Variants in PTPRZ1 observed in about 807,000 individuals in gnomAD.
PTPRZ1 encodes receptor-type tyrosine-protein phosphatase zeta.
PTPRZ1 carries 82 observed loss-of-function variants against 214.1 expected under a neutral mutation model. The observed-to-expected ratio is 0.38, with a 90% CI of 0.32 to 0.46. The LOEUF (loss-of-function observed/expected upper bound fraction) is 0.46. PTPRZ1 is among the 20% of genes least tolerant of loss of function. The probability of loss-of-function intolerance (pLI) is 1.00; values close to 1 mark genes in which losing one functional copy is unlikely to be tolerated. For synonymous variants in PTPRZ1, 945 were observed against 987.9 expected, an observed-to-expected ratio of 0.96 and a Z score of 0.81; for missense variants, 2,603 against 2,748.7, an observed-to-expected ratio of 0.95 and a Z score of 1.19.
At chr7:121,897,923 T>C (rs557504413) in intron 1 of PTPRZ1, among the ~76,000 whole-genome samples, 2 of 152,314 alleles carry the variant, frequency 1.3e-5, no homozygotes, top group East Asian at 3.9e-4. Context: ...GCACTGATTC[T>C]TTTCCCTAAA....
intron 10 of PTPRZ1, among the ~76,000 whole-genome samples, chr7:122,001,789 AAC>A (rs750793500): frequency 1.4e-4 from 21 of 152,170 alleles, no homozygotes; most frequent in Non-Finnish European, 2.6e-4. Flanking sequence ...AGAATGAGTC[AAC>A]AGTTTTTGTT....
At chr7:122,014,160 T>A (rs1798776275) in intron 12 of PTPRZ1, among the ~76,000 whole-genome samples, 1 of 152,170 alleles carries the variant, frequency 6.6e-6, no homozygotes, top group Non-Finnish European at 1.5e-5. Context: ...CTCTACAGGA[T>A]GTCTTTTATG....
intron 13 of PTPRZ1, among the ~76,000 whole-genome samples, chr7:122,026,834 A>T (rs533420517): frequency 6.6e-6 from 1 of 152,188 alleles, no homozygotes; most frequent in Admixed American, 6.5e-5. Context: ...CAAGGTTATA[A>T]GTAAACTATA....
intron 18 of PTPRZ1, among the ~76,000 whole-genome samples, chr7:122,037,261 T>C (rs1147490): frequency 0.66 from 98,462 of 149,764 alleles, 33,728 homozygotes; most frequent in African/African-American, 0.89. Context: ...GGCAACAGAG[T>C]GAGACTCCGT....
intron 2 of PTPRZ1, among the ~76,000 whole-genome samples, chr7:121,958,888 A>G (rs1482895684): frequency 1.3e-5 from 2 of 152,052 alleles, no homozygotes; most frequent in African/African-American, 4.8e-5. Context: ...CAGTGGCACA[A>G]TCTCAGCTCA....
At chr7:122,042,270 A>ACAAATG (rs745832333) in intron 21 of PTPRZ1, among the ~76,000 whole-genome samples, 31 of 152,184 alleles carry the variant, frequency 2.0e-4, no homozygotes, top group Non-Finnish European at 3.8e-4. Flanking sequence ...TTAAATGTCT[A>ACAAATG]TTTGCCACAC....
At chr7:122,038,509 C>CTTT (rs140553499) in intron 18 of PTPRZ1, among the ~76,000 whole-genome samples, 8 of 106,280 alleles carry the variant, frequency 7.5e-5, no homozygotes, top group South Asian at 3.1e-4. Flanking sequence ...GAGAGCTATT[C>CTTT]TTTTTTTTTT....
intron 23 of PTPRZ1, among the ~76,000 whole-genome samples, chr7:122,050,016 T>A (rs1792119763): frequency 6.6e-6 from 1 of 152,114 alleles, no homozygotes; most frequent in Non-Finnish European, 1.5e-5. Flanking sequence ...TAAATAACAT[T>A]GGGAAAATTT....
At chr7:121,954,673 A>G (rs1284497522) in intron 2 of PTPRZ1, among the ~76,000 whole-genome samples, 2 of 152,174 alleles carry the variant, frequency 1.3e-5, no homozygotes, top group African/African-American at 4.8e-5. Context: ...TGATGATGGC[A>G]CTTTTATTCA....
intron 18 of PTPRZ1, among the ~76,000 whole-genome samples, chr7:122,037,894 A>G (rs1049104866): frequency 6.6e-6 from 1 of 152,182 alleles, no homozygotes; most frequent in Non-Finnish European, 1.5e-5. Flanking sequence ...TATGAAGGAC[A>G]CTGCTATGAA....
intron 27 of PTPRZ1, 29 bp downstream of exon 27, chr7:122,055,116 T>G (rs970420531): frequency 6.8e-7 from 1 of 1,474,850 alleles, no homozygotes; most frequent in African/African-American, 1.4e-5. Flanking sequence ...TGACAAACTT[T>G]TTATCTTAAA....
At chr7:122,026,383 AG>A (rs1195524830) in intron 13 of PTPRZ1, among the ~76,000 whole-genome samples, 1 of 152,198 alleles carries the variant, frequency 6.6e-6, no homozygotes, top group Non-Finnish European at 1.5e-5. Flanking sequence ...GAGAAATCAA[AG>A]GGATTTTAAT....
intron 1 of PTPRZ1, among the ~76,000 whole-genome samples, chr7:121,915,370 A>G (rs999357363): frequency 6.6e-6 from 1 of 152,188 alleles, no homozygotes; most frequent in Non-Finnish European, 1.5e-5. Context: ...GCTTCTGGGA[A>G]TTTTATCCTC....
rs1031367547 is a variant in PTPRZ1 at position 122,004,767 on chromosome 7, T to G, written c.1287+107T>G. 2.1e-5 allele frequency: 13 copies of G among 628,792 alleles called. No homozygotes were observed. In the African/African-American group the frequency reaches 2.3e-4, roughly 11 times the overall value. The allele number at this position is 628,792 out of a possible 1,614,324, so 39.0% of individuals were successfully genotyped here. A position where few individuals can be genotyped will look rare whatever the true frequency, so the allele number is the denominator to read the frequency against. ...ACATGAATAGAAGTTGTGTGTATGA[T>G]TCACTGTTTGTGGGGTTAGTTGCTA... is the stretch of plus-strand genomic sequence containing the variant. On this transcript the variant is annotated intron_variant, in intron 11 of 29. Transcript: ENST00000393386.
At chr7:122,014,033 G>C (rs929270827) in intron 12 of PTPRZ1, 144 bp downstream of exon 12, 3 of 661,290 alleles carry the variant, frequency 4.5e-6, no homozygotes, top group Non-Finnish European at 7.2e-6. Context: ...TCAGTCTCCA[G>C]TTTCTGAAGT....
At chr7:121,907,940 T>A (rs1207286274) in intron 1 of PTPRZ1, among the ~76,000 whole-genome samples, 2 of 152,064 alleles carry the variant, frequency 1.3e-5, no homozygotes, top group East Asian at 1.9e-4. Context: ...ACTGATACAC[T>A]TGCAAATATA....
At chr7:121,896,601 G>A (rs370163569) in intron 1 of PTPRZ1, among the ~76,000 whole-genome samples, 1 of 151,956 alleles carries the variant, frequency 6.6e-6, no homozygotes, top group East Asian at 1.9e-4. Context: ...GTGAAACCCC[G>A]CCTCTACTAA....
chr7:122,058,352 C>T (rs986397902), intron 27 of PTPRZ1, among the ~76,000 whole-genome samples: 1 of 152,024 alleles, frequency 6.6e-6, no homozygotes, highest in African/African-American at 2.4e-5. Flanking sequence ...ATCTCTACCT[C>T]CTTGTCGGCG....
At chr7:121,946,605 G>C (rs950097000) in intron 2 of PTPRZ1, among the ~76,000 whole-genome samples, 13 of 151,888 alleles carry the variant, frequency 8.6e-5, no homozygotes, top group Non-Finnish European at 1.9e-4. Context: ...ATTGAGAATT[G>C]AAAAAAATAA....
Sources: gnomAD v4.1 joint callset for allele counts (sites outside exome capture counted in the v4.1 genomes callset) on GRCh38, gnomAD v4.1.1 for gene constraint, MANE v1.5 for transcripts, NCBI Gene and HGNC (gene_info 2026-07-23, HGNC 2026-07-21) for gene names.